GALNT13: variants seen among roughly 807,000 people sequenced by gnomAD.
GALNT13 encodes the protein polypeptide N-acetylgalactosaminyltransferase 13, also known as UDP-GalNAc:polypeptide N-acetylgalactosaminyltransferase 13.
In GALNT13, 28 loss-of-function variants were observed where a neutral mutation model predicts 64.2. The observed-to-expected ratio is 0.44, with a 90% confidence interval of 0.32 to 0.60. The LOEUF (loss-of-function observed/expected upper bound fraction) is 0.60. Among genes scored for constraint, GALNT13 ranks in the 20% least tolerant of loss-of-function variants. The pLI is 0.05. For missense variants in GALNT13, 577 were observed against 669.8 expected (o/e 0.86, Z 1.53); for synonymous variants, 214 against 224.6 (o/e 0.95, Z 0.42).
At chr2:153,129,992 C>G in the GALNT13 span, among the ~76,000 whole-genome samples, 2 of 152,132 alleles carry the variant, frequency 1.3e-5, no homozygotes, top group Non-Finnish European at 2.9e-5. Flanking sequence ...GGATGACAGG[C>G]CTTTCCAGAT....
At chr2:153,723,202 C>A in the GALNT13 span, among the ~76,000 whole-genome samples, 1 of 139,948 alleles carries the variant, frequency 7.1e-6, no homozygotes, top group Non-Finnish European at 1.5e-5. Context: ...AAGACAAAAA[C>A]CACATGATTA....
At chr2:153,901,220 G>T (rs1458024017) in intron 2 of GALNT13, among the ~76,000 whole-genome samples, 1 of 152,096 alleles carries the variant, frequency 6.6e-6, no homozygotes. Flanking sequence ...TGCAGTTTTG[G>T]TTACTACAGC....
chr2:154,136,978 G>A (rs1349501988), intron 3 of GALNT13, among the ~76,000 whole-genome samples: 1 of 151,402 alleles, frequency 6.6e-6, no homozygotes, highest in African/African-American at 2.4e-5. Flanking sequence ...CTCTGACTAT[G>A]GGGAAGCATG....
chr2:153,533,516 G>T, the GALNT13 span, among the ~76,000 whole-genome samples: 1 of 151,974 alleles, frequency 6.6e-6, no homozygotes, highest in South Asian at 2.1e-4. Context: ...CTCCCAAAGT[G>T]CTGGATTACA....
the GALNT13 span, among the ~76,000 whole-genome samples, chr2:153,571,633 A>AT: frequency 6.6e-6 from 1 of 151,832 alleles, no homozygotes; most frequent in Non-Finnish European, 1.5e-5. Context: ...TCTATACCCA[A>AT]TTTTTTGAGG....
chr2:153,531,165 A>C, the GALNT13 span, among the ~76,000 whole-genome samples: 17 of 152,330 alleles, frequency 1.1e-4, no homozygotes, highest in East Asian at 1.5e-3. Flanking sequence ...TTGCATTGCT[A>C]TAAAGAAATA....
chr2:153,886,490 A>G (rs553655090), intron 1 of GALNT13, among the ~76,000 whole-genome samples: 15 of 151,974 alleles, frequency 9.9e-5, no homozygotes, highest in African/African-American at 3.6e-4. Context: ...CTTTGTAGGG[A>G]CATGGATGAA....
the GALNT13 span, among the ~76,000 whole-genome samples, chr2:153,074,408 A>G: frequency 1.3e-5 from 2 of 152,288 alleles, no homozygotes; most frequent in South Asian, 2.1e-4. Context: ...TGAATCCAGT[A>G]AAGTGTTACT....
At chr2:154,329,796 C>T (rs1695070598) in intron 9 of GALNT13, among the ~76,000 whole-genome samples, 1 of 151,990 alleles carries the variant, frequency 6.6e-6, no homozygotes, top group African/African-American at 2.4e-5. Flanking sequence ...TAAAAAAAAG[C>T]CCTGGCACCA....
chr2:153,554,792 G>A, the GALNT13 span, among the ~76,000 whole-genome samples: 1 of 152,044 alleles, frequency 6.6e-6, no homozygotes, highest in African/African-American at 2.4e-5. Context: ...CTATGTTAAT[G>A]CCTAATTTAA....
chr2:153,540,836 G>C, the GALNT13 span, among the ~76,000 whole-genome samples: 1 of 152,178 alleles, frequency 6.6e-6, no homozygotes, highest in Admixed American at 6.5e-5. Flanking sequence ...CCCAATATCT[G>C]TACCCCCATT....
chr2:153,250,852 G>A, the GALNT13 span, among the ~76,000 whole-genome samples: 3 of 151,918 alleles, frequency 2.0e-5, no homozygotes, highest in Admixed American at 6.6e-5. Flanking sequence ...TAGGGAGGGG[G>A]ACATTACACA....
the GALNT13 span, among the ~76,000 whole-genome samples, chr2:153,774,284 A>T: frequency 6.6e-6 from 1 of 152,110 alleles, no homozygotes; most frequent in Non-Finnish European, 1.5e-5. Flanking sequence ...CTAGATATTT[A>T]TGGGCTTATA....
chr2:153,730,213 G>A, the GALNT13 span, among the ~76,000 whole-genome samples: 8 of 151,896 alleles, frequency 5.3e-5, no homozygotes, highest in Non-Finnish European at 8.8e-5. Flanking sequence ...CTATAGTACC[G>A]AAAGAGCATG....
chr2:154,108,687 A>ATT (rs74314041), intron 3 of GALNT13, among the ~76,000 whole-genome samples: 58 of 150,972 alleles, frequency 3.8e-4, no homozygotes, highest in Non-Finnish European at 7.4e-4. Flanking sequence ...TTATTCCGTG[A>ATT]TTTTTTTTTC....
At chr2:153,844,751 C>A in the GALNT13 span, among the ~76,000 whole-genome samples, 2 of 152,214 alleles carry the variant, frequency 1.3e-5, no homozygotes. Context: ...CCTCTCACAT[C>A]TAAGCTTAGG....
At chr2:153,537,432 G>A in the GALNT13 span, among the ~76,000 whole-genome samples, 1 of 152,194 alleles carries the variant, frequency 6.6e-6, no homozygotes, top group Non-Finnish European at 1.5e-5. Context: ...GATTCTTTGT[G>A]AGGGAGGAGT....
chr2:153,237,189 GT>G, the GALNT13 span, among the ~76,000 whole-genome samples: 1 of 151,810 alleles, frequency 6.6e-6, no homozygotes, highest in African/African-American at 2.4e-5. Flanking sequence ...AATAAAATAC[GT>G]TTTTCCTCTT....
chr2:154,038,069 G>A (rs542009557), intron 3 of GALNT13, among the ~76,000 whole-genome samples: 22 of 152,176 alleles, frequency 1.4e-4, no homozygotes, highest in Admixed American at 5.2e-4. Flanking sequence ...AACCCGGGAG[G>A]TTGATACTGC....
Sources: gnomAD v4.1 joint callset for allele counts (sites outside exome capture counted in the v4.1 genomes callset) on GRCh38, gnomAD v4.1.1 for gene constraint, MANE v1.5 for transcripts, NCBI Gene and HGNC (gene_info 2026-07-23, HGNC 2026-07-21) for gene names.